MECOM: variants seen among roughly 807,000 people sequenced by gnomAD.
MECOM encodes the protein MDS1 and EVI1 complex locus, also known as histone-lysine N-methyltransferase MECOM.
In MECOM, 13 loss-of-function variants were observed where a neutral mutation model predicts 116.3. That is an observed-to-expected ratio of 0.11 (90% CI 0.07 to 0.18). The LOEUF is 0.18. Ranked by LOEUF, MECOM falls within the 10% of genes least tolerant of loss-of-function variation. The pLI is 1.00. For synonymous variants in MECOM, 528 were observed against 535.2 expected, an observed-to-expected ratio of 0.99 and a Z score of 0.19; for missense variants, 1,299 against 1,509.0, an observed-to-expected ratio of 0.86 and a Z score of 2.31.
intron 2 of MECOM, among the ~76,000 whole-genome samples, chr3:169,290,084 G>A (rs1338367619): frequency 6.6e-6 from 1 of 152,072 alleles, no homozygotes; most frequent in African/African-American, 2.4e-5. Flanking sequence ...TATCAGCCCC[G>A]ATACTACCCT....
Position 169,197,105 on chromosome 3 carries a change from C to G in MECOM, c.376-53273G>C, listed in dbSNP as rs181705882. Among the ~76,000 whole-genome samples the G allele has an allele frequency of 1.2e-3, 189 of 151,990 alleles. 1 individual carries two copies. Among genetic ancestry groups the G allele is most frequent in the African/African-American group, 4.4e-3 (181 of 41,472 alleles). On this transcript the variant is annotated intron_variant, in intron 2 of 16. Transcript: ENST00000651503. The stretch of plus-strand genomic sequence containing the variant: ...GCATGTTTTCACTTACAAGTGGGAG[C>G]TAAACATCAAGAACTCATTGACACA...
intron 1 of MECOM, among the ~76,000 whole-genome samples, chr3:169,592,637 A>G (rs1479709718): frequency 1.3e-5 from 2 of 152,178 alleles, no homozygotes; most frequent in African/African-American, 2.4e-5. Context: ...AATTCTTTCC[A>G]CGTAGGGCAC....
At chr3:169,259,563 A>G (rs1050166402) in intron 2 of MECOM, among the ~76,000 whole-genome samples, 1 of 152,056 alleles carries the variant, frequency 6.6e-6, no homozygotes, top group Non-Finnish European at 1.5e-5. Context: ...TCTCTAAAAA[A>G]ATAATTAAAA....
Position 169,381,205 on chromosome 3 carries a change from G to C in MECOM, c.357C>G (p.Asp119Glu). The change falls in exon 2 of 17, where the codon GAC becomes GAG. Residue 119 changes from aspartate to glutamate, a missense_variant. Asp to Glu is a conservative substitution (Grantham distance 45). Coordinates refer to ENST00000651503, the MANE Select transcript of MECOM (RefSeq NM_004991.4). ...TTCTTACCTCCCATCCATAACTGGG[G>C]TCTTTCAGGTTTGACCTCTGCTCTC... ...YVGEQRSNLK[D>E]PSYGWEILDE... is the part of the protein sequence containing the mutation. 1 of 1,606,834 alleles carries C rather than the reference G, an allele frequency of 6.2e-7. No homozygotes were observed. The highest frequency in any genetic ancestry group is 8.5e-7 in the Non-Finnish European group (1 of 1,174,156).
chr3:169,564,967 A>G (rs147693562), intron 1 of MECOM, among the ~76,000 whole-genome samples: 1 of 152,236 alleles, frequency 6.6e-6, no homozygotes, highest in African/African-American at 2.4e-5. Context: ...ATGGTACAGG[A>G]GAACAGGTGC....
intron 1 of MECOM, among the ~76,000 whole-genome samples, chr3:169,518,074 A>G (rs1416044851): frequency 2.0e-5 from 3 of 152,166 alleles, no homozygotes; most frequent in Admixed American, 6.5e-5. Context: ...CCTGGCTAAC[A>G]TGGTGATACC....
At chr3:169,331,932 T>G (rs1358534467) in intron 2 of MECOM, among the ~76,000 whole-genome samples, 1 of 151,846 alleles carries the variant, frequency 6.6e-6, no homozygotes, top group African/African-American at 2.4e-5. Context: ...GTACTGGGAT[T>G]TGGATGGCTC....
At chr3:169,098,344 T>C (rs893337386) in intron 12 of MECOM, among the ~76,000 whole-genome samples, 1 of 152,202 alleles carries the variant, frequency 6.6e-6, no homozygotes, top group Non-Finnish European at 1.5e-5. Flanking sequence ...TGCCTTTAAT[T>C]ACCCTGACAC....
intron 2 of MECOM, among the ~76,000 whole-genome samples, chr3:169,178,428 T>C (rs897366962): frequency 2.6e-5 from 4 of 152,184 alleles, no homozygotes; most frequent in Admixed American, 2.6e-4. Flanking sequence ...CGAGGAATCA[T>C]CATCAAGAAG....
Position 169,428,094 on chromosome 3 carries a change from C to T in MECOM, c.38-46570G>A, listed in dbSNP as rs186994652. 2.9e-3 allele frequency among the ~76,000 whole-genome samples: 448 copies of T among 152,178 alleles called. 2 individuals are homozygous for T. The highest frequency in any genetic ancestry group is 4.8e-3 in the Non-Finnish European group (326 of 67,974). On this transcript the variant is annotated intron_variant, in intron 1 of 16. Transcript: ENST00000651503. The stretch of plus-strand genomic sequence containing the variant: ...ACTTGGGAGGCTGAGGCAGAAGAAT[C>T]GCTTGAACCCGAGAGGCAGAAGTTG...
chr3:169,183,016 G>A (rs73879027), intron 2 of MECOM, among the ~76,000 whole-genome samples: 17,632 of 152,126 alleles, frequency 0.12, 1,106 homozygotes, highest in Non-Finnish European at 0.14. Context: ...GGCTTTGTGC[G>A]AGTTAATTAA....
Position 169,525,620 on chromosome 3 carries a change from A to T in MECOM, c.37+137716T>A, listed in dbSNP as rs781325994. Among the ~76,000 whole-genome samples the T allele has an allele frequency of 5.3e-5, 8 of 152,312 alleles. No homozygotes were observed. In the Middle Eastern group the frequency reaches 0.01, roughly 194 times the overall value. ...AAAAGAGAGCACGTATCAGGTAGTG[A>T]AGTAATTCCAGGTAGCATTCTACTT... On this transcript the variant is annotated intron_variant, in intron 1 of 16. Transcript: ENST00000651503.
intron 2 of MECOM, among the ~76,000 whole-genome samples, chr3:169,329,993 CAAG>C (rs904493005): frequency 6.6e-6 from 1 of 152,124 alleles, no homozygotes; most frequent in Non-Finnish European, 1.5e-5. Context: ...TTTCAAGAGT[CAAG>C]AAGACTTTCT....
At position 169,488,840 on chromosome 3, in the gene MECOM, T is replaced by C. The variant is rs576057300; in HGVS notation, c.38-107316A>G. Among the ~76,000 whole-genome samples the C allele has an allele frequency of 9.4e-4, 143 of 152,144 alleles. 1 individual carries two copies. Among genetic ancestry groups the C allele is most frequent in the African/African-American group, 3.3e-3 (137 of 41,550 alleles). On this transcript the variant is annotated intron_variant, in intron 1 of 16. Coordinates refer to ENST00000651503, the MANE Select transcript of MECOM (RefSeq NM_004991.4). The stretch of plus-strand genomic sequence containing the variant: ...CAATATTAGAGAAAATGTATAGACT[T>C]AAATGTTTATACTAGGAATGAAATG...
At position 169,092,972 on chromosome 3, in the gene MECOM, C is replaced by T. The variant is rs2148873350; in HGVS notation, c.3150G>A (p.Arg1050=). The part of the protein sequence containing the change: ...GNSNHGSQSP[R]NVEERMNGSH... ...GACAGCTTTACCTCTCCTCCACATT[C>T]CTGGGAGATTGGCTGCCATGGTTGC... is the stretch of plus-strand genomic sequence containing the variant. Residue 1050 remains arginine, a synonymous_variant, in exon 14 of 17, where the codon AGG becomes AGA. Transcript: ENST00000651503. The T allele has an allele frequency of 1.4e-5, 22 of 1,613,774 alleles. No homozygotes were observed. Among genetic ancestry groups the T allele is most frequent in the Middle Eastern group, 1.7e-4 (1 of 6,060 alleles).
At chr3:169,310,181 A>C (rs1718484452) in intron 2 of MECOM, among the ~76,000 whole-genome samples, 1 of 152,178 alleles carries the variant, frequency 6.6e-6, no homozygotes, top group East Asian at 1.9e-4. Flanking sequence ...ATTTTTTCCC[A>C]ATTAGAAAAA....
chr3:169,111,379 T>A (rs1560170780), intron 9 of MECOM, among the ~76,000 whole-genome samples: 2 of 152,164 alleles, frequency 1.3e-5, no homozygotes, highest in Non-Finnish European at 2.9e-5. Flanking sequence ...GAATATTATA[T>A]GTTCATAAGT....
At chr3:169,107,832 A>G in intron 10 of MECOM, 94 bp downstream of exon 10, 1 of 1,012,156 alleles carries the variant, frequency 9.9e-7, no homozygotes, top group Admixed American at 2.2e-5. Context: ...AAAGGGGTTC[A>G]GAATTATTTA....
intron 2 of MECOM, among the ~76,000 whole-genome samples, chr3:169,214,092 G>GC (rs1164645069): frequency 1.3e-5 from 2 of 152,046 alleles, no homozygotes; most frequent in Non-Finnish European, 2.9e-5. Flanking sequence ...TGTCTACACT[G>GC]CCCCCATCTT....
Sources: allele counts gnomAD v4.1 joint callset (sites outside exome capture counted in the v4.1 genomes callset), GRCh38; gene constraint gnomAD v4.1.1; transcripts MANE v1.5; gene names NCBI Gene and HGNC (gene_info 2026-07-23, HGNC 2026-07-21).